Variants in CTNND2 observed in about 807,000 individuals in gnomAD.
The protein encoded by CTNND2 is catenin delta 2.
A neutral mutation model predicts 144.4 loss-of-function variants in CTNND2; 22 were observed. That is an observed-to-expected ratio of 0.15 (90% CI 0.11 to 0.22). CTNND2 has a LOEUF of 0.22. CTNND2 is among the 10% of genes least tolerant of loss of function. The pLI, the probability that CTNND2 is intolerant of heterozygous loss-of-function variation, is 1.00. For missense variants in CTNND2, 1,353 were observed against 1,618.8 expected (o/e 0.84, Z 2.82); for synonymous variants, 751 against 695.6 (o/e 1.08, Z -1.25).
intron 11 of CTNND2, among the ~76,000 whole-genome samples, chr5:11,194,673 C>A (rs1175823120): frequency 1.3e-5 from 2 of 151,658 alleles, no homozygotes; most frequent in African/African-American, 2.4e-5. Context: ...AGTAAGCCTG[C>A]AAAATCAGTG....
At chr5:11,380,701 C>T (rs987931159) in intron 7 of CTNND2, among the ~76,000 whole-genome samples, 2 of 152,200 alleles carry the variant, frequency 1.3e-5, no homozygotes, top group Non-Finnish European at 2.9e-5. Context: ...AGAGTCAGAA[C>T]TCTGACGTTT....
chr5:11,744,485 T>G (rs529985321), intron 1 of CTNND2, among the ~76,000 whole-genome samples: 1 of 152,124 alleles, frequency 6.6e-6, no homozygotes, highest in African/African-American at 2.4e-5. Context: ...TGATTGACAG[T>G]GTAATGGCAC....
rs190986742 is a variant in CTNND2, at chr5:11,456,491, G to A, written c.288-44422C>T. Among the ~76,000 whole-genome samples, 10 of 152,168 alleles carry A rather than the reference G, an allele frequency of 6.6e-5. No individual in the cohort carries two copies. The East Asian group carries it at 1.7e-3, about 27-fold the overall frequency. Reference sequence around the variant, plus strand: ...GTGCTGTGACCCAGCAGAGAACTACGTCACGTGAGTTGAGGGGATACTTCC... The same window carrying A: ...GTGCTGTGACCCAGCAGAGAACTACATCACGTGAGTTGAGGGGATACTTCC... On this transcript the variant is annotated intron_variant, in intron 3 of 21. Coordinates refer to ENST00000304623, the MANE Select transcript of CTNND2 (RefSeq NM_001332.4).
chr5:10,996,911 T>G (rs1739410681), intron 18 of CTNND2, among the ~76,000 whole-genome samples: 1 of 152,136 alleles, frequency 6.6e-6, no homozygotes, highest in Non-Finnish European at 1.5e-5. Context: ...TTGCTGATTT[T>G]TAACCACAGG....
intron 1 of CTNND2, among the ~76,000 whole-genome samples, chr5:11,861,299 T>A (rs187425220): frequency 5.5e-4 from 84 of 152,310 alleles, no homozygotes; most frequent in Admixed American, 1.4e-3. Context: ...TGACACAGCA[T>A]AATACCACAT....
At chr5:11,201,745 G>A (rs962032780) in intron 10 of CTNND2, among the ~76,000 whole-genome samples, 1 of 152,096 alleles carries the variant, frequency 6.6e-6, no homozygotes, top group East Asian at 1.9e-4. Flanking sequence ...GCCTGAGGGT[G>A]GTCACAGCAC....
At chr5:11,418,821 CA>C (rs537444726) in intron 3 of CTNND2, among the ~76,000 whole-genome samples, 11 of 151,966 alleles carry the variant, frequency 7.2e-5, no homozygotes, top group Non-Finnish European at 1.5e-4. Context: ...TACTATTTGG[CA>C]GGTAAACTAA....
In CTNND2 at chr5:11,364,817, T is replaced by C. The variant is rs1472237070; in HGVS notation, c.1251A>G (p.Glu417=). ...GPELRALQSP[E]HHIDPIYEDR... is the part of the protein sequence containing the mutation. ...CTTCATAGATGGGATCTATGTGGTG[T>C]TCTGGGGACTGCAGGGCCCGCAACT... The change falls in exon 8 of 22, where the codon GAA becomes GAG. Residue 417 remains glutamate (E), a synonymous_variant. Coordinates refer to ENST00000304623, the MANE Select transcript of CTNND2 (RefSeq NM_001332.4). The C allele has an allele frequency of 1.2e-6, 2 of 1,613,948 alleles. No homozygotes were observed. The highest frequency in any genetic ancestry group is 1.7e-6 in the Non-Finnish European group (2 of 1,179,952).
chr5:11,085,734 T>A lies in CTNND2; in HGVS notation c.2638-2888A>T, dbSNP rs116214682. On this transcript the variant is annotated intron_variant, in intron 15 of 21. Coordinates refer to ENST00000304623, the MANE Select transcript of CTNND2 (RefSeq NM_001332.4). ...GCCTCCATGCTGGGGAAAGAAAGGA[T>A]GCAGTTTGGAGAGGAAGCAAGAGAT... is the stretch of plus-strand genomic sequence containing the variant. 4.0e-3 allele frequency among the ~76,000 whole-genome samples: 603 copies of A among 152,296 alleles called. 3 individuals carry two copies. The highest frequency in any genetic ancestry group is 0.013 in the African/African-American group (556 of 41,564).
intron 9 of CTNND2, among the ~76,000 whole-genome samples, chr5:11,330,504 A>T (rs1753014076): frequency 6.7e-6 from 1 of 149,634 alleles, no homozygotes; most frequent in African/African-American, 2.4e-5. Context: ...AAAAAAAAAA[A>T]AAAAAGAAAG....
intron 17 of CTNND2, among the ~76,000 whole-genome samples, chr5:11,018,394 TGAAA>T (rs1741852630): frequency 6.6e-6 from 1 of 151,984 alleles, no homozygotes; most frequent in Admixed American, 6.6e-5. Flanking sequence ...AGTGTTCAAG[TGAAA>T]GAAAGGGTTG....
chr5:11,854,168 C>G (rs545180735), intron 1 of CTNND2, among the ~76,000 whole-genome samples: 15 of 152,208 alleles, frequency 9.9e-5, no homozygotes, highest in Non-Finnish European at 2.2e-4. Flanking sequence ...TCACTGCTCT[C>G]TGGGCCTGGA....
intron 3 of CTNND2, among the ~76,000 whole-genome samples, chr5:11,446,691 G>A (rs1764833863): frequency 6.6e-6 from 1 of 152,150 alleles, no homozygotes; most frequent in Non-Finnish European, 1.5e-5. Flanking sequence ...TGTGGGGAAA[G>A]GAATGTGAAT....
chr5:11,761,543 C>T (rs903763525), intron 1 of CTNND2, among the ~76,000 whole-genome samples: 1 of 150,766 alleles, frequency 6.6e-6, no homozygotes, highest in African/African-American at 2.5e-5. Context: ...TAGTAACAAT[C>T]TAATCGCTTT....
At chr5:11,165,079 G>C (rs61757194) in intron 11 of CTNND2, among the ~76,000 whole-genome samples, 46 of 152,268 alleles carry the variant, frequency 3.0e-4, no homozygotes, top group South Asian at 1.7e-3. Context: ...GTATTATAGC[G>C]TTAGCAAAAT....
At chr5:11,427,956 G>A (rs1269619309) in intron 3 of CTNND2, among the ~76,000 whole-genome samples, 3 of 152,144 alleles carry the variant, frequency 2.0e-5, no homozygotes, top group Non-Finnish European at 4.4e-5. Flanking sequence ...GAATCATGGG[G>A]GGAGGCGAAA....
At chr5:11,732,708 A>AT (rs1561743216) in intron 1 of CTNND2, among the ~76,000 whole-genome samples, 1 of 152,104 alleles carries the variant, frequency 6.6e-6, no homozygotes, top group African/African-American at 2.4e-5. Context: ...TTCCTGGCTC[A>AT]TATCTCCCAT....
intron 11 of CTNND2, among the ~76,000 whole-genome samples, chr5:11,178,708 A>G (rs1440898735): frequency 6.6e-6 from 1 of 152,196 alleles, no homozygotes; most frequent in Non-Finnish European, 1.5e-5. Flanking sequence ...TATAATTGGA[A>G]ATTTATGGTA....
At chr5:11,501,456 C>A (rs1198275334) in intron 3 of CTNND2, among the ~76,000 whole-genome samples, 1 of 152,176 alleles carries the variant, frequency 6.6e-6, no homozygotes, top group East Asian at 1.9e-4. Flanking sequence ...AGTGACCACC[C>A]AAGCTCAACA....
Sources: allele counts gnomAD v4.1 joint callset (sites outside exome capture counted in the v4.1 genomes callset), GRCh38; gene constraint gnomAD v4.1.1; transcripts MANE v1.5; gene names NCBI Gene and HGNC (gene_info 2026-07-23, HGNC 2026-07-21).